NCAM2: variants seen among roughly 807,000 people sequenced by gnomAD.
NCAM2 encodes the protein neural cell adhesion molecule 2.
Under a neutral mutation model 98.1 loss-of-function variants are expected in NCAM2, and 30 were observed. That is an observed-to-expected ratio of 0.31 (90% CI 0.23 to 0.41). The LOEUF (loss-of-function observed/expected upper bound fraction) is 0.41, where lower values mean the gene tolerates loss of function less well. Among genes scored for constraint, NCAM2 ranks in the 10% least tolerant of loss-of-function variants. NCAM2 has a pLI of 1.00. For missense variants in NCAM2, 867 were observed against 1,005.8 expected (o/e 0.86, Z 1.87); for synonymous variants, 368 against 342.4 (o/e 1.07, Z -0.83).
chr21:21,376,553 G>T (rs1046035249), intron 9 of NCAM2, among the ~76,000 whole-genome samples: 5 of 151,700 alleles, frequency 3.3e-5, no homozygotes, highest in Admixed American at 1.3e-4. Context: ...TTTAGTTATT[G>T]GTTTTAGCTG....
chr21:21,101,164 C>T (rs1363894710), intron 1 of NCAM2, among the ~76,000 whole-genome samples: 1 of 151,838 alleles, frequency 6.6e-6, no homozygotes, highest in East Asian at 1.9e-4. Context: ...CTAATTTTCA[C>T]CTTAGATTTA....
chr21:21,261,208 A>G (rs1177227224), intron 1 of NCAM2, among the ~76,000 whole-genome samples: 1 of 152,136 alleles, frequency 6.6e-6, no homozygotes, highest in Non-Finnish European at 1.5e-5. Context: ...AAAAATAACA[A>G]TTACTACTAC....
intron 1 of NCAM2, among the ~76,000 whole-genome samples, chr21:21,091,633 C>A (rs2066014286): frequency 6.6e-6 from 1 of 152,128 alleles, no homozygotes; most frequent in Non-Finnish European, 1.5e-5. Context: ...ATAAGGATTA[C>A]ATGGATCCTT....
intron 12 of NCAM2, among the ~76,000 whole-genome samples, chr21:21,457,676 A>T (rs546904543): frequency 6.6e-6 from 1 of 151,996 alleles, no homozygotes; most frequent in South Asian, 2.1e-4. Context: ...ACTCAGGTAC[A>T]CTATGTTAGT....
chr21:21,379,125 A>G (rs2076095108), intron 9 of NCAM2, among the ~76,000 whole-genome samples: 1 of 151,954 alleles, frequency 6.6e-6, no homozygotes, highest in Non-Finnish European at 1.5e-5. Context: ...GTTTATTTCT[A>G]GTTGATCAAG....
chr21:21,489,999 T>C (rs968674561), intron 15 of NCAM2, among the ~76,000 whole-genome samples: 20 of 152,076 alleles, frequency 1.3e-4, no homozygotes, highest in African/African-American at 4.8e-5. Flanking sequence ...TCTAATTTTA[T>C]TTTTTTCAAA....
At chr21:21,530,186 T>C (rs1276840015) in intron 16 of NCAM2, among the ~76,000 whole-genome samples, 1 of 110,692 alleles carries the variant, frequency 9.0e-6, no homozygotes, top group Admixed American at 1.1e-4. Flanking sequence ...ATATATGATT[T>C]AATTTAATTT....
At chr21:21,489,821 GA>G (rs1986698097) in intron 15 of NCAM2, among the ~76,000 whole-genome samples, 1 of 151,754 alleles carries the variant, frequency 6.6e-6, no homozygotes. Context: ...CTTAACTAAA[GA>G]AAAAAATTAA....
chr21:21,411,147 T>C (rs74199526), intron 10 of NCAM2, among the ~76,000 whole-genome samples: 1,130 of 81,528 alleles, frequency 0.014, 39 homozygotes, highest in East Asian at 0.034. Context: ...TATATATATA[T>C]ACATATATAT....
At chr21:21,428,061 CCATGG>C (rs2077253624) in intron 11 of NCAM2, among the ~76,000 whole-genome samples, 1 of 152,194 alleles carries the variant, frequency 6.6e-6, no homozygotes, top group African/African-American at 2.4e-5. Context: ...GGTCTTGAAT[CCATGG>C]ACTCTCATGA....
intron 1 of NCAM2, among the ~76,000 whole-genome samples, chr21:21,268,854 T>C (rs978189943): frequency 6.6e-6 from 1 of 152,128 alleles, no homozygotes. Context: ...ATTTTGGAGA[T>C]CGAAAGTTGA....
chr21:21,078,685 G>C (rs958137711), intron 1 of NCAM2, among the ~76,000 whole-genome samples: 4 of 152,082 alleles, frequency 2.6e-5, no homozygotes, highest in Non-Finnish European at 5.9e-5. Context: ...CCATCACTGG[G>C]TATATACCCA....
chr21:21,337,469 G>A (rs1465981578), intron 7 of NCAM2, among the ~76,000 whole-genome samples: 1 of 151,880 alleles, frequency 6.6e-6, no homozygotes, highest in Non-Finnish European at 1.5e-5. Context: ...CTGTTTTTCT[G>A]ATACCAAGAA....
intron 1 of NCAM2, among the ~76,000 whole-genome samples, chr21:21,028,754 A>G (rs187494579): frequency 1.3e-5 from 2 of 152,276 alleles, no homozygotes; most frequent in African/African-American, 4.8e-5. Context: ...ATATTCTAAT[A>G]CTCTTCTGTA....
At chr21:21,114,050 C>G (rs2066505034) in intron 1 of NCAM2, among the ~76,000 whole-genome samples, 1 of 152,098 alleles carries the variant, frequency 6.6e-6, no homozygotes, top group Admixed American at 6.5e-5. Context: ...ATTTCTCTCT[C>G]CCTTTTAGTG....
At chr21:21,299,941 C>T (rs1339779955) in intron 5 of NCAM2, among the ~76,000 whole-genome samples, 4 of 151,926 alleles carry the variant, frequency 2.6e-5, no homozygotes, top group Non-Finnish European at 4.4e-5. Flanking sequence ...TTCCCATATA[C>T]TTTAAATCAG....
chr21:21,053,651 TC>T (rs200653297), intron 1 of NCAM2, among the ~76,000 whole-genome samples: 8,982 of 151,188 alleles, frequency 0.059, 278 homozygotes, highest in East Asian at 0.095. Context: ...TATCATTTTT[TC>T]CCTCTCATTT....
At chr21:21,168,786 C>G (rs942551947) in intron 1 of NCAM2, among the ~76,000 whole-genome samples, 2 of 152,008 alleles carry the variant, frequency 1.3e-5, no homozygotes, top group Non-Finnish European at 2.9e-5. Flanking sequence ...TGAATGATAT[C>G]AAAGAAGAAC....
At chr21:21,382,726 T>A (rs2076184623) in intron 9 of NCAM2, among the ~76,000 whole-genome samples, 1 of 152,070 alleles carries the variant, frequency 6.6e-6, no homozygotes, top group South Asian at 2.1e-4. Flanking sequence ...GAGACGGGGT[T>A]TCGCCATGTT....
Sources: gnomAD v4.1 joint callset for allele counts (sites outside exome capture counted in the v4.1 genomes callset) on GRCh38, gnomAD v4.1.1 for gene constraint, MANE v1.5 for transcripts, NCBI Gene and HGNC (gene_info 2026-07-23, HGNC 2026-07-21) for gene names.